The following ZNF320 variants were observed in gnomAD, a reference collection of about 807,000 sequenced individuals.
The protein encoded by ZNF320 is zinc finger gene 320.
Under a neutral mutation model 6.8 loss-of-function variants are expected in ZNF320, and 2 were observed. The ratio of observed to expected loss-of-function variants is 0.29; its 90% CI spans 0.12 to 0.93. ZNF320 has a LOEUF of 0.93. Among genes scored for constraint, ZNF320 ranks in the 40% least tolerant of loss-of-function variants. ZNF320 has a pLI of 0.55. For missense variants in ZNF320, 472 were observed against 611.0 expected (o/e 0.77, Z 2.40); for synonymous variants, 208 against 203.2 (o/e 1.02, Z -0.20).
chr19:52,860,320 C>T (rs1168567142), downstream of ZNF320, among the ~76,000 whole-genome samples: 6 of 151,966 alleles, frequency 3.9e-5, no homozygotes, highest in Non-Finnish European at 7.4e-5. Context: ...TATCCTTAGG[C>T]GGTCCCGGTG....
rs1311041414 is a variant in ZNF320, at chr19:52,893,819, G to A, written c.-232C>T. ...GAATTGCTTGAGCCCGGAGAGCAGA[G>A]GTTGAAGTGAATCAAGATCGCACAA... On this transcript the variant is annotated 5_prime_UTR_variant, in exon 2 of 6. Transcript: ENST00000682928. 6.6e-6 allele frequency: 1 copy of A among 152,142 alleles called. No individual in the cohort carries two copies. Among genetic ancestry groups the A allele is most frequent in the Non-Finnish European group, 1.5e-5 (1 of 68,052 alleles). The allele number at this position is 152,142 out of a possible 1,614,324, so 9.4% of individuals were successfully genotyped here. A position where few individuals can be genotyped will look rare whatever the true frequency, so the allele number is the denominator to read the frequency against.
At chr19:52,863,414 T>A (rs111963556) in exon 6 of ZNF320, among the ~76,000 whole-genome samples, 56 of 151,920 alleles carry the variant, frequency 3.7e-4, no homozygotes, top group Non-Finnish European at 6.2e-4. Context: ...GTGGCCAACA[T>A]GGTGAAAACC....
intron 5 of ZNF320, among the ~76,000 whole-genome samples, chr19:52,887,328 C>T (rs2064125678): frequency 6.6e-6 from 1 of 152,196 alleles, no homozygotes; most frequent in Non-Finnish European, 1.5e-5. Context: ...CAGAAAGAGA[C>T]TCGTGCTTAT....
At chr19:52,865,395 C>T in intron 5 of ZNF320, 3 of 303,962 alleles carry the variant, frequency 9.9e-6, no homozygotes, top group Non-Finnish European at 1.9e-5. Context: ...TCTCCCAAAT[C>T]ACGGCCCTGT....
chr19:52,897,066 C>T (rs924913527), intron 1 of ZNF320, among the ~76,000 whole-genome samples: 4 of 152,240 alleles, frequency 2.6e-5, no homozygotes, highest in Non-Finnish European at 2.9e-5. Context: ...AATACTTTAA[C>T]CCCCTAAAAC....
downstream of ZNF320, among the ~76,000 whole-genome samples, chr19:52,872,906 A>C (rs2063705366): frequency 6.6e-6 from 1 of 152,154 alleles, no homozygotes; most frequent in African/African-American, 2.4e-5. Context: ...CACGTGAGCA[A>C]AGGACCCTGT....
intron 2 of ZNF320, among the ~76,000 whole-genome samples, chr19:52,893,069 TG>T (rs1047107810): frequency 5.6e-4 from 85 of 152,206 alleles, no homozygotes; most frequent in Middle Eastern, 3.4e-3. Flanking sequence ...CCATCTGTTA[TG>T]GGCCTTTCTC....
upstream of ZNF320, among the ~76,000 whole-genome samples, chr19:52,897,872 G>A (rs1046183761): frequency 1.3e-5 from 2 of 152,150 alleles, no homozygotes; most frequent in Non-Finnish European, 2.9e-5. Flanking sequence ...GGGGTCGGCG[G>A]GGGCGAGAAG....
chr19:52,881,484 G>A lies in ZNF320; in HGVS notation c.642C>T (p.Asp214=). The A allele has an allele frequency of 6.2e-7, 1 of 1,613,998 alleles. No homozygotes were observed. The highest frequency in any genetic ancestry group is 1.3e-5 in the African/African-American group (1 of 74,988). The change falls in exon 6 of 6, where the codon GAC becomes GAT. Residue 214 remains aspartate (D), a synonymous_variant. Coordinates refer to ENST00000682928, the MANE Select transcript of ZNF320 (RefSeq NM_001351774.2). ...CACATTCATTACATGTGTAATGTTT[G>A]TCTCCCCTGTGAATTCTAGTATGTT... is the stretch of plus-strand genomic sequence containing the variant. The part of the protein sequence containing the change: ...LAKHTRIHRG[D]KHYTCNECGK...
intron 1 of ZNF320, among the ~76,000 whole-genome samples, chr19:52,897,053 AT>A (rs1337030032): frequency 2.6e-5 from 4 of 152,246 alleles, no homozygotes; most frequent in African/African-American, 9.6e-5. Flanking sequence ...GGACCTCAAA[AT>A]AAATACTTTA....
At chr19:52,901,677 G>A (rs2147916908), upstream of ZNF320, among the ~76,000 whole-genome samples, 1 of 152,310 alleles carries the variant, frequency 6.6e-6, no homozygotes, top group Admixed American at 6.5e-5. Flanking sequence ...GCAAGCTTTG[G>A]TATCTAGTTA....
intron 5 of ZNF320, among the ~76,000 whole-genome samples, chr19:52,886,545 C>G (rs2064085112): frequency 6.6e-6 from 1 of 152,206 alleles, no homozygotes; most frequent in Non-Finnish European, 1.5e-5. Flanking sequence ...CTTCTGCGTA[C>G]TGAACGGAAT....
chr19:52,884,389 C>A (rs1332911997), intron 5 of ZNF320, among the ~76,000 whole-genome samples: 2 of 152,164 alleles, frequency 1.3e-5, no homozygotes, highest in African/African-American at 2.4e-5. Flanking sequence ...GTGATCTCAG[C>A]TCCCTGCAAC....
intron 2 of ZNF320, among the ~76,000 whole-genome samples, chr19:52,892,860 G>A (rs2064349177): frequency 6.6e-6 from 1 of 151,380 alleles, no homozygotes; most frequent in South Asian, 2.1e-4. Context: ...TGTCTGCCCT[G>A]GCTCCAAATC....
downstream of ZNF320, among the ~76,000 whole-genome samples, chr19:52,860,607 A>AAAAAAAG (rs1340739742): frequency 6.6e-6 from 1 of 151,800 alleles, no homozygotes; most frequent in African/African-American, 2.4e-5. Flanking sequence ...CAAAAAAAAA[A>AAAAAAAG]AAAGAAAAAG....
downstream of ZNF320, among the ~76,000 whole-genome samples, chr19:52,875,622 G>A (rs367821781): frequency 5.9e-5 from 9 of 152,090 alleles, no homozygotes; most frequent in African/African-American, 1.7e-4. Flanking sequence ...TCTACCAAAA[G>A]TACAAAAAAT....
At chr19:52,865,803 TTATA>T (rs1391562217) in intron 5 of ZNF320, among the ~76,000 whole-genome samples, 2 of 88,472 alleles carry the variant, frequency 2.3e-5, no homozygotes, top group East Asian at 2.7e-4. Context: ...ACACATATAT[TTATA>T]TATATGATTA....
At chr19:52,887,088 C>A (rs949987881) in intron 5 of ZNF320, among the ~76,000 whole-genome samples, 4 of 152,086 alleles carry the variant, frequency 2.6e-5, no homozygotes, top group African/African-American at 9.7e-5. Context: ...AGAAAGATGT[C>A]CCTTCAGAGA....
chr19:52,889,433 C>A (rs2064214506), intron 4 of ZNF320, among the ~76,000 whole-genome samples: 1 of 151,752 alleles, frequency 6.6e-6, no homozygotes, highest in Non-Finnish European at 1.5e-5. Context: ...GCGTGGGTGA[C>A]AGAGCAAGAC....
Sources: gnomAD v4.1 joint callset for allele counts (sites outside exome capture counted in the v4.1 genomes callset) on GRCh38, gnomAD v4.1.1 for gene constraint, MANE v1.5 for transcripts, NCBI Gene and HGNC (gene_info 2026-07-23, HGNC 2026-07-21) for gene names.